XCR1: variants seen among roughly 807,000 people sequenced by gnomAD.
XCR1 encodes the protein X-C motif chemokine receptor 1.
For missense variants in XCR1, 356 were observed against 424.2 expected, an observed-to-expected ratio of 0.84 and a Z score of 1.41; for synonymous variants, 187 against 188.5, an observed-to-expected ratio of 0.99 and a Z score of 0.06.
chr3:46,053,727 A>G (rs79298034), intron 5 of XCR1, among the ~76,000 whole-genome samples: 13,288 of 151,312 alleles, frequency 0.088, 967 homozygotes, highest in South Asian at 0.33. Context: ...TATGCATAAT[A>G]ACCTCCCATA....
chr3:46,078,144 A>C (rs1698294167), intron 1 of XCR1, among the ~76,000 whole-genome samples: 1 of 152,192 alleles, frequency 6.6e-6, no homozygotes, highest in South Asian at 2.1e-4. Context: ...GGCACTCCCC[A>C]AAGCAACTTG....
chr3:46,030,849 G>A (rs186893670), upstream of XCR1, among the ~76,000 whole-genome samples: 2 of 152,372 alleles, frequency 1.3e-5, no homozygotes, highest in East Asian at 3.9e-4. Context: ...CAGGCCTGGA[G>A]CCTCTGCCGC....
chr3:46,029,065 A>G (rs1708354008), upstream of XCR1, among the ~76,000 whole-genome samples: 1 of 152,192 alleles, frequency 6.6e-6, no homozygotes, highest in African/African-American at 2.4e-5. Context: ...TTATGTCAGT[A>G]CCATAGAGTT....
At chr3:46,052,564 C>T (rs912541748) in intron 5 of XCR1, among the ~76,000 whole-genome samples, 2 of 152,166 alleles carry the variant, frequency 1.3e-5, no homozygotes, top group African/African-American at 4.8e-5. Flanking sequence ...AATTATAACA[C>T]TTTCCCATTT....
At chr3:46,062,869 T>C (rs1372010289) in intron 4 of XCR1, among the ~76,000 whole-genome samples, 2 of 152,006 alleles carry the variant, frequency 1.3e-5, no homozygotes, top group Non-Finnish European at 2.9e-5. Flanking sequence ...GATAGGAGAG[T>C]TGGTTTTGGA....
chr3:46,043,852 T>C (rs150323237), intron 5 of XCR1, among the ~76,000 whole-genome samples: 2 of 152,164 alleles, frequency 1.3e-5, no homozygotes, highest in East Asian at 3.9e-4. Flanking sequence ...GCATACAAAT[T>C]GAAAACAAAG....
intron 4 of XCR1, among the ~76,000 whole-genome samples, chr3:46,054,144 G>A (rs1281666443): frequency 1.3e-5 from 2 of 152,166 alleles, no homozygotes; most frequent in East Asian, 1.9e-4. Flanking sequence ...GGGTCAGGGA[G>A]CACCTTGCCT....
chr3:46,051,137 T>C (rs1373845858), intron 5 of XCR1, among the ~76,000 whole-genome samples: 1 of 152,236 alleles, frequency 6.6e-6, no homozygotes, highest in Non-Finnish European at 1.5e-5. Context: ...TCTGACGCTC[T>C]AGCTGCTTTT....
intron 1 of XCR1, among the ~76,000 whole-genome samples, chr3:46,024,590 A>G (rs1271495179): frequency 6.6e-6 from 1 of 152,180 alleles, no homozygotes; most frequent in Non-Finnish European, 1.5e-5. Flanking sequence ...GCTGCCTTGT[A>G]TTTGAAACAT....
At chr3:46,023,256 C>G (rs539054080) in intron 1 of XCR1, 2 of 654,846 alleles carry the variant, frequency 3.1e-6, no homozygotes, top group East Asian at 5.4e-5. Context: ...CTCCATGTTC[C>G]CTGGCCCCAC....
At chr3:46,079,630 T>G (rs1698322928) in intron 1 of XCR1, among the ~76,000 whole-genome samples, 2 of 152,048 alleles carry the variant, frequency 1.3e-5, no homozygotes, top group South Asian at 4.1e-4. Flanking sequence ...ACCCCCTCCC[T>G]GAAACCCCAT....
intron 4 of XCR1, among the ~76,000 whole-genome samples, chr3:46,057,920 CTATCTATCTATCTACG>C (rs1175009970): frequency 1.4e-5 from 2 of 146,476 alleles, no homozygotes; most frequent in African/African-American, 5.3e-5. Flanking sequence ...ATCTATCTAT[CTATCTATCTATCTACG>C]CATCCATCTA....
chr3:46,022,113 A>G, intron 1 of XCR1, 135 bp from the exon 2 acceptor site: 1 of 741,322 alleles, frequency 1.3e-6, no homozygotes, highest in Non-Finnish European at 2.1e-6. Flanking sequence ...CATCCCAGGC[A>G]ATATAGTGAC....
At chr3:46,029,595 C>G (rs749343302), upstream of XCR1, among the ~76,000 whole-genome samples, 10 of 152,186 alleles carry the variant, frequency 6.6e-5, no homozygotes, top group Non-Finnish European at 1.3e-4. Context: ...CAAAGTTGTA[C>G]TCTTACCTCA....
intron 4 of XCR1, among the ~76,000 whole-genome samples, chr3:46,054,737 T>C (rs1025584438): frequency 6.6e-6 from 1 of 151,872 alleles, no homozygotes; most frequent in African/African-American, 2.4e-5. Context: ...CAACTAAAAC[T>C]AGAGGTTTAT....
intron 3 of XCR1, among the ~76,000 whole-genome samples, chr3:46,067,244 G>C (rs1575437370): frequency 6.6e-6 from 1 of 152,186 alleles, no homozygotes; most frequent in East Asian, 1.9e-4. Flanking sequence ...GAAGAGGCAG[G>C]TTAGGCTTCC....
At chr3:46,025,667 AT>A (rs1344749973) in intron 1 of XCR1, among the ~76,000 whole-genome samples, 1 of 152,244 alleles carries the variant, frequency 6.6e-6, no homozygotes, top group Non-Finnish European at 1.5e-5. Context: ...TTATAGAAAT[AT>A]AATTAACTAT....
intron 4 of XCR1, among the ~76,000 whole-genome samples, chr3:46,059,289 T>G (rs751660707): frequency 6.6e-6 from 1 of 152,178 alleles, no homozygotes; most frequent in Non-Finnish European, 1.5e-5. Context: ...TTGTGCACAA[T>G]ATGCAGGCAT....
chr3:46,018,980 A>G lies in XCR1; in HGVS notation c.*1966T>C, dbSNP rs923609208. The stretch of plus-strand genomic sequence containing the variant: ...CAAATCCCCACGCCAGAGCCAAATC[A>G]GGTTCACAGATTGGGCCCAGGTCTT... On this transcript the variant is annotated 3_prime_UTR_variant, in exon 2 of 2. Transcript: ENST00000309285. The G allele has an allele frequency of 7.9e-5, 12 of 152,168 alleles. No individual in the cohort carries two copies. Among genetic ancestry groups the G allele is most frequent in the African/African-American group, 2.9e-4 (12 of 41,446 alleles). 9.4% of individuals were successfully genotyped at this position (152,168 alleles called of 1,614,324 possible). A position where few individuals can be genotyped will look rare whatever the true frequency, so the allele number is the denominator to read the frequency against.
Sources: allele counts gnomAD v4.1 joint callset (sites outside exome capture counted in the v4.1 genomes callset), GRCh38; gene constraint gnomAD v4.1.1; transcripts MANE v1.5; gene names NCBI Gene and HGNC (gene_info 2026-07-23, HGNC 2026-07-21).